CDC42BPB: variants seen among roughly 807,000 people sequenced by gnomAD.
CDC42BPB encodes CDC42 binding protein kinase beta.
Under a neutral mutation model 214.9 loss-of-function variants are expected in CDC42BPB, and 37 were observed. The observed-to-expected ratio is 0.17, with a 90% CI of 0.13 to 0.23. The LOEUF (loss-of-function observed/expected upper bound fraction) is 0.23. Ranked by LOEUF, CDC42BPB falls within the 10% of genes least tolerant of loss-of-function variation. The pLI, the probability that CDC42BPB is intolerant of heterozygous loss-of-function variation, is 1.00. For synonymous variants in CDC42BPB, 931 were observed against 884.0 expected (o/e 1.05, Z -0.94); for missense variants, 1,694 against 2,227.0 (o/e 0.76, Z 4.82).
At chr14:103,013,707 C>T (rs918018622) in intron 1 of CDC42BPB, among the ~76,000 whole-genome samples, 3 of 152,204 alleles carry the variant, frequency 2.0e-5, no homozygotes, top group Non-Finnish European at 2.9e-5. Context: ...ACACAAGGAG[C>T]GCCAAGCATT....
intron 16 of CDC42BPB, 57 bp downstream of exon 16, chr14:102,968,196 T>G: frequency 7.7e-7 from 1 of 1,292,922 alleles, no homozygotes; most frequent in South Asian, 1.2e-5. Flanking sequence ...AAAATAATTT[T>G]TTTTTAAATT....
chr14:103,041,205 T>C (rs546985071), intron 1 of CDC42BPB, among the ~76,000 whole-genome samples: 26 of 152,322 alleles, frequency 1.7e-4, no homozygotes, highest in South Asian at 2.1e-4. Flanking sequence ...ACAAACATTG[T>C]TGGAACTGGT....
At chr14:102,962,708 G>C (rs914442806) in intron 20 of CDC42BPB, among the ~76,000 whole-genome samples, 3 of 152,164 alleles carry the variant, frequency 2.0e-5, no homozygotes, top group Non-Finnish European at 4.4e-5. Context: ...AAATTAGCCA[G>C]GGGTGGTGGT....
At chr14:102,962,684 TACTAAAA>T (rs990386313) in intron 20 of CDC42BPB, among the ~76,000 whole-genome samples, 106 of 152,290 alleles carry the variant, frequency 7.0e-4, no homozygotes, top group African/African-American at 2.5e-3. Flanking sequence ...ACCCCATCTC[TACTAAAA>T]ATACAAAAAT....
intron 6 of CDC42BPB, among the ~76,000 whole-genome samples, chr14:102,984,787 G>A (rs1894160161): frequency 6.6e-6 from 1 of 152,140 alleles, no homozygotes; most frequent in African/African-American, 2.4e-5. Flanking sequence ...GGTCCCCTCT[G>A]GGAAGAGAGA....
At position 102,974,133 on chromosome 14, in the gene CDC42BPB, C is replaced by A. The variant is rs774054692; in HGVS notation, c.1524G>T (p.Glu508Asp). 1 of 1,613,668 alleles carries A rather than the reference C, an allele frequency of 6.2e-7. No individual in the cohort carries two copies. The highest frequency in any genetic ancestry group is 1.7e-5 in the Admixed American group (1 of 59,896). ...GCGCCACTGTGTCCTCAAGCTGTCG[C>A]TCGAGCCTGTTTGAATCTGGACAAA... Reference protein sequence around the residue: ...KNKIADSNRLERQLEDTVALR... With the variant: ...KNKIADSNRLDRQLEDTVALR... Residue 508 changes from glutamate to aspartate, a missense_variant, in exon 12 of 37, where the codon GAG becomes GAT. Glu to Asp is a conservative substitution (Grantham distance 45). Transcript: ENST00000361246.
rs34134961 is a variant in CDC42BPB, at chr14:102,980,271, G to T, written c.1140+502C>A. Among the ~76,000 whole-genome samples, 915 of 152,324 alleles carry T rather than the reference G, an allele frequency of 6.0e-3. 13 individuals are homozygous for T. Among genetic ancestry groups the T allele is most frequent in the African/African-American group, 0.021 (873 of 41,568 alleles). ...GCACTTTGGGAGGCAGAGGTGGGCGGATCATGTGGTCAGGAGATCGAGACT... is the reference window on the plus strand; with the variant it reads ...GCACTTTGGGAGGCAGAGGTGGGCGTATCATGTGGTCAGGAGATCGAGACT... On this transcript the variant is annotated intron_variant, in intron 8 of 36. Transcript: ENST00000361246.
chr14:102,980,118 T>G (rs1893932057), intron 8 of CDC42BPB, among the ~76,000 whole-genome samples: 1 of 152,202 alleles, frequency 6.6e-6, no homozygotes, highest in Non-Finnish European at 1.5e-5. Context: ...TGTCTTGGTG[T>G]CTTTCAACCT....
chr14:103,034,184 CAAG>C (rs1887542786), intron 1 of CDC42BPB, among the ~76,000 whole-genome samples: 1 of 152,112 alleles, frequency 6.6e-6, no homozygotes, highest in African/African-American at 2.4e-5. Context: ...TTAGGACAAA[CAAG>C]AAACATTTAA....
At chr14:103,012,031 G>T in intron 2 of CDC42BPB, 66 bp downstream of exon 2, 1 of 996,116 alleles carries the variant, frequency 1.0e-6, no homozygotes, top group Non-Finnish European at 1.6e-6. Context: ...TGCACAAAAA[G>T]GTGAAATGGA....
At chr14:103,052,032 G>A (rs1888639057) in intron 1 of CDC42BPB, among the ~76,000 whole-genome samples, 1 of 152,090 alleles carries the variant, frequency 6.6e-6, no homozygotes, top group Non-Finnish European at 1.5e-5. Flanking sequence ...AGTACAGACG[G>A]GTTTTCACCT....
chr14:103,046,420 G>A (rs1241040152), intron 1 of CDC42BPB, among the ~76,000 whole-genome samples: 1 of 152,086 alleles, frequency 6.6e-6, no homozygotes, highest in Non-Finnish European at 1.5e-5. Flanking sequence ...ACCATGGAAA[G>A]ACAGCCAGTA....
intron 12 of CDC42BPB, 122 bp from the exon 13 acceptor site, chr14:102,972,283 G>A (rs2139476037): frequency 2.0e-6 from 3 of 1,526,712 alleles, no homozygotes; most frequent in Non-Finnish European, 2.6e-6. Context: ...ACAGATTAGA[G>A]CCACAGATCT....
At chr14:102,974,253 C>T in intron 11 of CDC42BPB, 104 bp from the exon 12 acceptor site, 1 of 1,487,838 alleles carries the variant, frequency 6.7e-7, no homozygotes. Context: ...TAATTCACAA[C>T]ACTTTTTCAT....
At chr14:103,045,422 C>G (rs1270174760) in intron 1 of CDC42BPB, among the ~76,000 whole-genome samples, 4 of 152,112 alleles carry the variant, frequency 2.6e-5, no homozygotes, top group Non-Finnish European at 5.9e-5. Context: ...TGTGAACAGC[C>G]CCACATCACG....
intron 36 of CDC42BPB, among the ~76,000 whole-genome samples, chr14:102,934,815 T>A (rs60340569): frequency 2.0e-5 from 3 of 151,520 alleles, no homozygotes; most frequent in East Asian, 3.9e-4. Context: ...ATTGAGACCA[T>A]CCTAACACAG....
intron 8 of CDC42BPB, 156 bp from the exon 9 acceptor site, chr14:102,978,361 G>A (rs1893851933): frequency 1.0e-6 from 1 of 984,674 alleles, no homozygotes; most frequent in African/African-American, 1.7e-5. Flanking sequence ...GGGGAGATGA[G>A]TATAGCAGAT....
At position 103,001,130 on chromosome 14, in the gene CDC42BPB, T is replaced by C. The variant is rs1400613322; in HGVS notation, c.448-1417A>G. Among the ~76,000 whole-genome samples the C allele has an allele frequency of 6.6e-6, 1 of 152,218 alleles. No individual in the cohort carries two copies. Among genetic ancestry groups the C allele is most frequent in the Non-Finnish European group, 1.5e-5 (1 of 68,028 alleles). ...GCCTCTCCACAGCTGTCCCACCCTG[T>C]GGAGTCTTCCTCAAGCCTCCCTGCC... On this transcript the variant is annotated intron_variant, in intron 4 of 36. Coordinates refer to ENST00000361246, the MANE Select transcript of CDC42BPB (RefSeq NM_006035.4). This position sits in a 1 kb window ranked among gnomAD's most constrained non-coding sequence, Gnocchi z 5.8.
At chr14:103,016,462 G>A (rs1052043267) in intron 1 of CDC42BPB, among the ~76,000 whole-genome samples, 2 of 126,616 alleles carry the variant, frequency 1.6e-5, no homozygotes, top group Non-Finnish European at 3.5e-5. Context: ...GAGGACATCA[G>A]TGCCGGTGAA....
Sources: allele counts gnomAD v4.1 joint callset (sites outside exome capture counted in the v4.1 genomes callset), GRCh38; gene constraint gnomAD v4.1.1; non-coding constraint Gnocchi (gnomAD v3.1); transcripts MANE v1.5; gene names NCBI Gene and HGNC (gene_info 2026-07-23, HGNC 2026-07-21).